The following EYS variants were observed in gnomAD, a reference collection of about 807,000 sequenced individuals.
EYS encodes the protein EGF-like photoreceptor maintenance factor.
Under a neutral mutation model 282.1 loss-of-function variants are expected in EYS, and 250 were observed. That is an observed-to-expected ratio of 0.89 (90% confidence interval 0.80 to 0.98). The LOEUF (loss-of-function observed/expected upper bound fraction) is 0.98, where lower values mean the gene tolerates loss of function less well. Among genes scored for constraint, EYS ranks in the 50% least tolerant of loss-of-function variants. The pLI, the probability that EYS is intolerant of heterozygous loss-of-function variation, is 0.00. For synonymous variants in EYS, 1,355 were observed against 1,282.9 expected (o/e 1.06, Z -1.20); for missense variants, 4,016 against 3,709.0 (o/e 1.08, Z -2.15).
At chr6:65,266,886 G>A (rs1357619756) in intron 12 of EYS, among the ~76,000 whole-genome samples, 39 of 111,628 alleles carry the variant, frequency 3.5e-4, no homozygotes, top group African/African-American at 9.6e-4. Context: ...TAATGTGTGT[G>A]CATATATATA....
chr6:64,019,434 G>A (rs1352739891), intron 33 of EYS, among the ~76,000 whole-genome samples: 1 of 145,022 alleles, frequency 6.9e-6, no homozygotes, highest in Non-Finnish European at 1.5e-5. Context: ...TTTTTTAAAC[G>A]GAGTCTCGCT....
chr6:64,621,048 G>C (rs1767432542), intron 23 of EYS, among the ~76,000 whole-genome samples: 1 of 152,024 alleles, frequency 6.6e-6, no homozygotes, highest in African/African-American at 2.4e-5. Flanking sequence ...ATCTTGCTCT[G>C]TCACCCAGGC....
At chr6:64,748,102 G>A (rs1159675916) in intron 22 of EYS, among the ~76,000 whole-genome samples, 4 of 152,124 alleles carry the variant, frequency 2.6e-5, no homozygotes, top group South Asian at 2.1e-4. Context: ...CTAACTATTG[G>A]ATTAGCAGTG....
chr6:65,166,989 C>T (rs901521533), intron 12 of EYS, among the ~76,000 whole-genome samples: 3 of 150,946 alleles, frequency 2.0e-5, no homozygotes, highest in South Asian at 2.1e-4. Flanking sequence ...AAAACCATAA[C>T]GAAATACCCC....
At chr6:64,289,004 G>A (rs1050712770) in intron 30 of EYS, among the ~76,000 whole-genome samples, 3 of 151,600 alleles carry the variant, frequency 2.0e-5, no homozygotes, top group Admixed American at 2.0e-4. Flanking sequence ...TTCATTTTTG[G>A]CTCCACATCT....
At chr6:65,132,687 A>G (rs1303578255) in intron 12 of EYS, among the ~76,000 whole-genome samples, 1 of 152,058 alleles carries the variant, frequency 6.6e-6, no homozygotes, top group Non-Finnish European at 1.5e-5. Flanking sequence ...TCTATTAACA[A>G]CATAGTATTG....
chr6:64,394,459 C>A (rs1582696223), intron 28 of EYS, among the ~76,000 whole-genome samples: 1 of 152,070 alleles, frequency 6.6e-6, no homozygotes, highest in African/African-American at 2.4e-5. Context: ...CAGAATAGAG[C>A]CCTCCGAAAT....
At chr6:65,230,330 G>A (rs1207757005) in intron 12 of EYS, among the ~76,000 whole-genome samples, 4 of 150,346 alleles carry the variant, frequency 2.7e-5, no homozygotes, top group South Asian at 2.1e-4. Context: ...AATAATTGGC[G>A]AATAGCAGAG....
chr6:64,465,323 G>T (rs2150488214), intron 26 of EYS, among the ~76,000 whole-genome samples: 1 of 152,152 alleles, frequency 6.6e-6, no homozygotes, highest in African/African-American at 2.4e-5. Context: ...TCAGCAAAAA[G>T]AACAAAGCTG....
chr6:65,405,832 C>T (rs1261608428), intron 5 of EYS, among the ~76,000 whole-genome samples: 1 of 151,966 alleles, frequency 6.6e-6, no homozygotes, highest in East Asian at 1.9e-4. Context: ...TCCATTCATC[C>T]TTCAGTGGAC....
At chr6:65,627,851 C>T (rs1052279896) in intron 2 of EYS, among the ~76,000 whole-genome samples, 6 of 152,218 alleles carry the variant, frequency 3.9e-5, no homozygotes, top group Non-Finnish European at 2.9e-5. Flanking sequence ...CCTGTGCGCC[C>T]GAGCCTCCCC....
At chr6:64,500,814 G>A (rs1336492309) in intron 26 of EYS, among the ~76,000 whole-genome samples, 1 of 152,074 alleles carries the variant, frequency 6.6e-6, no homozygotes, top group Non-Finnish European at 1.5e-5. Context: ...GAAAACCAAT[G>A]TGATTGTGTC....
chr6:64,719,240 AT>A lies in EYS; in HGVS notation c.3444-92996del, dbSNP rs146794174. ...TTCTTCCTAGCTAGCTGACACCTTGATTTGGGCCTTTCCCAACCTGAAATGG... is the reference window on the plus strand; with the variant it reads ...TTCTTCCTAGCTAGCTGACACCTTGATTGGGCCTTTCCCAACCTGAAATGG... On this transcript the variant is annotated intron_variant, in intron 22 of 42. Coordinates refer to ENST00000503581, the MANE Select transcript of EYS (RefSeq NM_001142800.2). Among the ~76,000 whole-genome samples, 585 of 152,218 alleles carry A rather than the reference AT, an allele frequency of 3.8e-3. 6 individuals carry two copies. The highest frequency in any genetic ancestry group is 0.013 in the African/African-American group (549 of 41,542).
intron 12 of EYS, among the ~76,000 whole-genome samples, chr6:65,211,393 T>A (rs1303942247): frequency 2.0e-5 from 3 of 152,010 alleles, no homozygotes; most frequent in Non-Finnish European, 4.4e-5. Flanking sequence ...TAGCTTTCTA[T>A]CTGAGACATA....
intron 26 of EYS, among the ~76,000 whole-genome samples, chr6:64,579,727 T>C (rs1765999946): frequency 6.6e-6 from 1 of 152,000 alleles, no homozygotes; most frequent in Admixed American, 6.6e-5. Context: ...GTAGAACTGA[T>C]ATTAAGTCCT....
chr6:65,600,234 G>A (rs1765570093), intron 2 of EYS, among the ~76,000 whole-genome samples: 1 of 152,000 alleles, frequency 6.6e-6, no homozygotes, highest in South Asian at 2.1e-4. Flanking sequence ...CTGGAACCCA[G>A]GGTGGTTCCA....
chr6:64,663,485 G>C (rs1769117215), intron 22 of EYS, among the ~76,000 whole-genome samples: 1 of 152,100 alleles, frequency 6.6e-6, no homozygotes, highest in African/African-American at 2.4e-5. Flanking sequence ...CTTATTTCTT[G>C]CTTATAAGAC....
chr6:64,659,530 G>T (rs1276703531), intron 22 of EYS, among the ~76,000 whole-genome samples: 1 of 151,800 alleles, frequency 6.6e-6, no homozygotes, highest in Non-Finnish European at 1.5e-5. Flanking sequence ...TCAAATAGAT[G>T]CAATAAAAAA....
intron 39 of EYS, 25 bp from the exon 40 acceptor site, chr6:63,778,205 G>C (rs115940573): frequency 7.1e-6 from 11 of 1,547,592 alleles, no homozygotes; most frequent in Middle Eastern, 3.3e-4. Flanking sequence ...AAAACACTTC[G>C]TGTTAACAAA....
Sources: allele counts gnomAD v4.1 joint callset (sites outside exome capture counted in the v4.1 genomes callset), GRCh38; gene constraint gnomAD v4.1.1; transcripts MANE v1.5; gene names NCBI Gene and HGNC (gene_info 2026-07-23, HGNC 2026-07-21).